ABCA12: variants seen among roughly 807,000 people sequenced by gnomAD.
The protein encoded by ABCA12 is glucosylceramide transporter ABCA12.
A neutral mutation model predicts 293.5 loss-of-function variants in ABCA12; 156 were observed. The ratio of observed to expected loss-of-function variants is 0.53; its 90% CI spans 0.47 to 0.61. The LOEUF is 0.61. Ranked by LOEUF, ABCA12 falls within the 20% of genes least tolerant of loss-of-function variation. The pLI, the probability that ABCA12 is intolerant of heterozygous loss-of-function variation, is 0.00. For missense variants in ABCA12, 2,797 were observed against 3,090.2 expected (o/e 0.91, Z 2.25); for synonymous variants, 1,063 against 1,108.0 (o/e 0.96, Z 0.81).
At chr2:214,969,771 T>C (rs1699345433) in intron 37 of ABCA12, among the ~76,000 whole-genome samples, 1 of 152,024 alleles carries the variant, frequency 6.6e-6, no homozygotes, top group Admixed American at 6.6e-5. Context: ...AGGGAAGAGA[T>C]GGAGGAAAGA....
intron 9 of ABCA12, among the ~76,000 whole-genome samples, chr2:215,028,268 G>T (rs1401517248): frequency 2.7e-4 from 41 of 152,186 alleles, no homozygotes; most frequent in Admixed American, 2.7e-3. Flanking sequence ...GACTCAGGGT[G>T]TTTAAATGTG....
At chr2:215,106,495 CA>C (rs1487669629) in intron 2 of ABCA12, among the ~76,000 whole-genome samples, 1 of 152,102 alleles carries the variant, frequency 6.6e-6, no homozygotes, top group Non-Finnish European at 1.5e-5. Context: ...GTATCTTATC[CA>C]AAAATCCAGG....
chr2:214,981,015 G>T (rs1699637249), intron 30 of ABCA12, among the ~76,000 whole-genome samples: 1 of 151,694 alleles, frequency 6.6e-6, no homozygotes, highest in Non-Finnish European at 1.5e-5. Context: ...AACCCGGGAG[G>T]TGGAGGGTGT....
Position 214,980,560 on chromosome 2 carries a change from G to T in ABCA12, c.4663C>A (p.Leu1555Ile), listed in dbSNP as rs998689781. ...TAAAATGGGGACCCACAGCACCTAA[G>T]CCCACCCTGCTCCAGGAAGGCGATG... ...DRIAFLEQGG[L>I]RCCGSPFYLK... Residue 1555 changes from leucine (L) to isoleucine (I), a missense_variant, in exon 31 of 53, where the codon CTT becomes ATT. By Grantham distance (5) the Leu-to-Ile change is conservative. Transcript: ENST00000272895. 3 of 1,613,870 alleles carry T rather than the reference G, an allele frequency of 1.9e-6. No homozygotes were observed. The African/African-American group carries it at 4.0e-5, about 22-fold the overall frequency.
chr2:215,024,081 G>A (rs1030468917), intron 11 of ABCA12, among the ~76,000 whole-genome samples: 11 of 152,070 alleles, frequency 7.2e-5, no homozygotes, highest in African/African-American at 2.4e-4. Context: ...TTAAACTCAG[G>A]ACTCTATGTC....
intron 2 of ABCA12, among the ~76,000 whole-genome samples, chr2:215,104,504 C>T (rs72952485): frequency 0.018 from 2,779 of 152,238 alleles, 41 homozygotes; most frequent in South Asian, 0.033. Context: ...CATCTTCGAC[C>T]CCTCTGTGTG....
chr2:215,109,738 T>A (rs2106125868), intron 2 of ABCA12, among the ~76,000 whole-genome samples: 1 of 152,268 alleles, frequency 6.6e-6, no homozygotes, highest in East Asian at 1.9e-4. Context: ...TTTCCATGAA[T>A]CTCTAATGCT....
At chr2:215,072,835 G>A (rs1701762980) in intron 2 of ABCA12, among the ~76,000 whole-genome samples, 2 of 152,322 alleles carry the variant, frequency 1.3e-5, no homozygotes, top group South Asian at 2.1e-4. Context: ...GGTGGCTCAC[G>A]CCTGTAATCC....
chr2:215,118,263 A>G (rs1702727010), intron 1 of ABCA12, among the ~76,000 whole-genome samples: 1 of 152,062 alleles, frequency 6.6e-6, no homozygotes, highest in Non-Finnish European at 1.5e-5. Flanking sequence ...TTAGCCGAGC[A>G]TGGTGGCACA....
chr2:215,011,614 T>A lies in ABCA12; in HGVS notation c.2157A>T (p.Gln719His), dbSNP rs201503189. Reference protein sequence around the residue: ...MYRSNRMNTPQGSFSTISQAL... With the variant: ...MYRSNRMNTPHGSFSTISQAL... ...CTTGGGAGATGGTGCTAAATGATCC[T>A]TGTGGTGTGTTCATTCGGTTGCTTC... The change falls in exon 17 of 53, where the codon CAA becomes CAT. Residue 719 changes from glutamine to histidine, a missense_variant. Gln to His is a conservative substitution (Grantham distance 24, BLOSUM62 0). This residue lies in a region of ABCA12 where 2,130 missense variants were observed against 2,427.0 expected (regional missense o/e 0.88). Transcript: ENST00000272895. The A allele has an allele frequency of 6.2e-7, 1 of 1,613,998 alleles. No homozygotes were observed. Among genetic ancestry groups the A allele is most frequent in the African/African-American group, 1.3e-5 (1 of 74,934 alleles).
At chr2:214,953,563 C>A (rs1417611444) in intron 44 of ABCA12, among the ~76,000 whole-genome samples, 1 of 152,162 alleles carries the variant, frequency 6.6e-6, no homozygotes, top group Non-Finnish European at 1.5e-5. Flanking sequence ...ATCTTTTGTT[C>A]ATTTACATAT....
intron 18 of ABCA12, among the ~76,000 whole-genome samples, chr2:215,009,011 A>T (rs1236865936): frequency 6.6e-6 from 1 of 152,200 alleles, no homozygotes; most frequent in Non-Finnish European, 1.5e-5. Flanking sequence ...TCTATTATAA[A>T]GATGCATGCA....
At chr2:215,069,977 C>T (rs1373911886) in intron 2 of ABCA12, among the ~76,000 whole-genome samples, 1 of 152,070 alleles carries the variant, frequency 6.6e-6, no homozygotes, top group Non-Finnish European at 1.5e-5. Context: ...CTGTAGGAAC[C>T]CCTGGGGGAG....
chr2:214,946,284 C>A (rs1435199616), intron 48 of ABCA12, among the ~76,000 whole-genome samples: 1 of 151,992 alleles, frequency 6.6e-6, no homozygotes, highest in Non-Finnish European at 1.5e-5. Flanking sequence ...ACAAAGGATA[C>A]ATTGTCACTG....
At chr2:215,056,517 T>C (rs1257621473) in intron 3 of ABCA12, among the ~76,000 whole-genome samples, 1 of 152,024 alleles carries the variant, frequency 6.6e-6, no homozygotes, top group Non-Finnish European at 1.5e-5. Context: ...GTAGCCTTAA[T>C]GTGTCTTTTT....
chr2:214,964,356 T>G (rs1043155850), intron 39 of ABCA12, among the ~76,000 whole-genome samples: 1 of 152,128 alleles, frequency 6.6e-6, no homozygotes, highest in Admixed American at 6.6e-5. Context: ...CTATTCAACA[T>G]AGTATTGGAA....
chr2:214,938,112 C>G (rs375277227), intron 50 of ABCA12, among the ~76,000 whole-genome samples: 6 of 151,980 alleles, frequency 3.9e-5, no homozygotes, highest in East Asian at 3.9e-4. Context: ...CCTAGCCCCC[C>G]ACCCCCCAAC....
chr2:215,118,171 G>A (rs1479277450), intron 1 of ABCA12, among the ~76,000 whole-genome samples: 6 of 152,188 alleles, frequency 3.9e-5, no homozygotes, highest in Admixed American at 1.3e-4. Context: ...GGAGGCCGAG[G>A]CGGGCAGATT....
intron 48 of ABCA12, 121 bp downstream of exon 48, chr2:214,947,297 ATAGC>A: frequency 7.3e-7 from 1 of 1,376,460 alleles, no homozygotes; most frequent in East Asian, 2.3e-5. Context: ...GCTTTGCACA[ATAGC>A]TAGCACATAG....
Sources: gnomAD v4.1 joint callset for allele counts (sites outside exome capture counted in the v4.1 genomes callset) on GRCh38, gnomAD v4.1.1 for gene constraint, gnomAD v4.1.1 regional missense constraint, MANE v1.5 for transcripts, NCBI Gene and HGNC (gene_info 2026-07-23, HGNC 2026-07-21) for gene names.